The following AKT3 variants were observed in gnomAD, a reference collection of about 807,000 sequenced individuals.
The protein encoded by AKT3 is AKT serine/threonine kinase 3, also known as RAC-gamma serine/threonine-protein kinase.
Under a neutral mutation model 65.3 loss-of-function variants are expected in AKT3, and 15 were observed. The observed-to-expected ratio is 0.23, with a 90% CI of 0.15 to 0.35. The LOEUF is 0.35. Among genes scored for constraint, AKT3 ranks in the 10% least tolerant of loss-of-function variants. AKT3 has a pLI of 1.00. For missense variants in AKT3, 243 were observed against 576.5 expected (o/e 0.42, Z 5.92); for synonymous variants, 206 against 183.8 (o/e 1.12, Z -0.98).
intron 2 of AKT3, among the ~76,000 whole-genome samples, chr1:243,703,942 T>C (rs1048298643): frequency 6.6e-5 from 10 of 152,162 alleles, no homozygotes; most frequent in African/African-American, 2.4e-4. Flanking sequence ...ATTTTCCAAC[T>C]CCTAAAAACC....
At chr1:243,574,320 CAGAG>C (rs377059454) in intron 8 of AKT3, among the ~76,000 whole-genome samples, 41 of 138,974 alleles carry the variant, frequency 3.0e-4, no homozygotes, top group Non-Finnish European at 3.7e-4. Flanking sequence ...GCATAGTAAA[CAGAG>C]AGAGAGAGAA....
Position 243,831,713 on chromosome 1 carries a change from TCA to T in AKT3, c.46+11410_46+11411del, listed in dbSNP as rs1694523772. 5.3e-5 allele frequency among the ~76,000 whole-genome samples: 8 copies of T among 152,116 alleles called. No individual in the cohort carries two copies. In the South Asian group the frequency reaches 1.7e-3, roughly 32 times the overall value. On this transcript the variant is annotated intron_variant, in intron 2 of 13. Transcript: ENST00000673466. ...GAAGTAGAGCAGTGAATAATATTAC[TCA>T]CACAGTGTGAGGATTCCACAAGGTG... is the stretch of plus-strand genomic sequence containing the variant.
At chr1:243,555,507 A>C (rs1673349026) in intron 10 of AKT3, among the ~76,000 whole-genome samples, 1 of 152,202 alleles carries the variant, frequency 6.6e-6, no homozygotes, top group Non-Finnish European at 1.5e-5. Flanking sequence ...TATTTTAAGA[A>C]GACAATTTTT....
chr1:243,633,995 T>C (rs557884762), intron 6 of AKT3, among the ~76,000 whole-genome samples: 2 of 152,100 alleles, frequency 1.3e-5, no homozygotes, highest in Non-Finnish European at 2.9e-5. Context: ...GGTATTTGCC[T>C]AAAACCATGG....
intron 2 of AKT3, among the ~76,000 whole-genome samples, chr1:243,820,254 A>G (rs1693777797): frequency 6.6e-6 from 1 of 152,174 alleles, no homozygotes; most frequent in Admixed American, 6.5e-5. Flanking sequence ...GAAAGCAACA[A>G]CAGCAGCATC....
chr1:243,591,230 A>C (rs996117326), intron 8 of AKT3, among the ~76,000 whole-genome samples: 6 of 152,236 alleles, frequency 3.9e-5, no homozygotes, highest in African/African-American at 1.4e-4. Flanking sequence ...TGAAACAATC[A>C]CCAGGCTAAC....
chr1:243,840,432 G>A (rs1695170553), intron 2 of AKT3, among the ~76,000 whole-genome samples: 1 of 152,066 alleles, frequency 6.6e-6, no homozygotes. Flanking sequence ...GTTGACAGGT[G>A]CAGCAAACCA....
At chr1:243,745,007 A>C (rs1688393120) in intron 2 of AKT3, among the ~76,000 whole-genome samples, 3 of 152,028 alleles carry the variant, frequency 2.0e-5, no homozygotes, top group Admixed American at 2.0e-4. Context: ...TTTTCCTGTT[A>C]TGATCTTACT....
chr1:243,571,495 T>A (rs1359133628), intron 9 of AKT3, among the ~76,000 whole-genome samples: 1 of 152,200 alleles, frequency 6.6e-6, no homozygotes, highest in Non-Finnish European at 1.5e-5. Context: ...ACCTATTACT[T>A]CAAAATTGTT....
chr1:243,738,083 G>A (rs753108762), intron 2 of AKT3, among the ~76,000 whole-genome samples: 1 of 152,182 alleles, frequency 6.6e-6, no homozygotes, highest in South Asian at 2.1e-4. Flanking sequence ...GTTTGTTTTT[G>A]CAGGTTAGCT....
intron 2 of AKT3, among the ~76,000 whole-genome samples, chr1:243,725,620 C>T (rs1687165460): frequency 1.3e-5 from 2 of 152,082 alleles, no homozygotes; most frequent in Non-Finnish European, 2.9e-5. Flanking sequence ...GAAATAAGGT[C>T]CTTGTGACAA....
rs75729781 is a variant in AKT3 at position 243,585,285 on chromosome 1, A to G, written c.697-12237T>C. ...CCATGCTCAGGGACTGGAAGAATCA[A>G]TATCAGTAAAATAGCCATATTTCCC... On this transcript the variant is annotated intron_variant, in intron 8 of 13. Transcript: ENST00000673466. Among the ~76,000 whole-genome samples the G allele has an allele frequency of 9.7e-3, 1,479 of 152,304 alleles. 22 individuals carry two copies. The highest frequency in any genetic ancestry group is 0.033 in the African/African-American group (1,391 of 41,558).
chr1:243,634,421 G>C (rs320333), intron 6 of AKT3, among the ~76,000 whole-genome samples: 7,157 of 151,856 alleles, frequency 0.047, 585 homozygotes, highest in African/African-American at 0.16. Context: ...GATATTAAAA[G>C]TAGATTAACA....
intron 2 of AKT3, among the ~76,000 whole-genome samples, chr1:243,790,562 G>GT (rs778154768): frequency 9.9e-5 from 15 of 152,138 alleles, no homozygotes; most frequent in South Asian, 2.1e-4. Flanking sequence ...CAATACGGCT[G>GT]TTTCGCTTTC....
At chr1:243,567,205 C>T (rs1019173943) in intron 9 of AKT3, among the ~76,000 whole-genome samples, 8 of 152,060 alleles carry the variant, frequency 5.3e-5, no homozygotes, top group African/African-American at 1.4e-4. Flanking sequence ...TACTTGAGCC[C>T]GAGGTGTGTG....
At chr1:243,819,130 C>T (rs115289128) in intron 2 of AKT3, among the ~76,000 whole-genome samples, 316 of 152,328 alleles carry the variant, frequency 2.1e-3, no homozygotes, top group South Asian at 3.9e-3. Flanking sequence ...CTAAGACTAC[C>T]GAATTCCCAG....
At chr1:243,700,588 C>T (rs1652352809) in intron 2 of AKT3, among the ~76,000 whole-genome samples, 2 of 150,956 alleles carry the variant, frequency 1.3e-5, no homozygotes, top group African/African-American at 4.9e-5. Context: ...ACTGCAACCT[C>T]TGCCTCCCAG....
chr1:243,790,712 T>C (rs1249178330), intron 2 of AKT3, among the ~76,000 whole-genome samples: 2 of 152,236 alleles, frequency 1.3e-5, no homozygotes, highest in Admixed American at 1.3e-4. Context: ...TCATCATTTC[T>C]AGCTTTTCAT....
intron 6 of AKT3, among the ~76,000 whole-genome samples, chr1:243,626,123 G>A (rs780351569): frequency 2.6e-5 from 4 of 152,138 alleles, no homozygotes; most frequent in Non-Finnish European, 4.4e-5. Flanking sequence ...GGCCCCGCTA[G>A]GCAGGCATCT....
Sources: gnomAD v4.1 joint callset for allele counts (sites outside exome capture counted in the v4.1 genomes callset) on GRCh38, gnomAD v4.1.1 for gene constraint, MANE v1.5 for transcripts, NCBI Gene and HGNC (gene_info 2026-07-23, HGNC 2026-07-21) for gene names.